The following PLGRKT variants were observed in gnomAD, a reference collection of about 807,000 sequenced individuals.
The protein encoded by PLGRKT is plasminogen receptor (KT).
Under a neutral mutation model 18.5 loss-of-function variants are expected in PLGRKT, and 22 were observed. The observed-to-expected ratio is 1.19, with a 90% confidence interval of 0.85 to 1.70. The LOEUF (loss-of-function observed/expected upper bound fraction) is 1.70. Among genes scored for constraint, PLGRKT ranks in the 40% most tolerant of loss-of-function variants. PLGRKT has a pLI of 0.00. For missense variants in PLGRKT, 235 were observed against 174.4 expected, an observed-to-expected ratio of 1.35 and a Z score of -1.96; for synonymous variants, 72 against 52.8, an observed-to-expected ratio of 1.36 and a Z score of -1.58.
chr9:5,382,265 G>C (rs559065143), intron 3 of PLGRKT, among the ~76,000 whole-genome samples: 1 of 152,294 alleles, frequency 6.6e-6, no homozygotes, highest in South Asian at 2.1e-4. Flanking sequence ...TATTAAAGAA[G>C]AAATTTCAAT....
chr9:5,377,308 A>G (rs2131086669), intron 3 of PLGRKT, among the ~76,000 whole-genome samples: 1 of 152,152 alleles, frequency 6.6e-6, no homozygotes, highest in East Asian at 1.9e-4. Context: ...CTGTTTTGAA[A>G]TAATAGTACT....
rs71326158 is a variant in PLGRKT, at chr9:5,371,986, C to CTTTTTTTTTTTTTTTTTTTTTTTTT, written c.82-10099_82-10098insAAAAAAAAAAAAAAAAAAAAAAAAA. ...CTGCAAAAAACAATATCAGAAAATC[C>CTTTTTTTTTTTTTTTTTTTTTTTTT]TTTTTTTTTTTTTGATATGGAGTCT... On this transcript the variant is annotated intron_variant, in intron 3 of 5. Transcript: ENST00000223864. 2.5e-3 allele frequency among the ~76,000 whole-genome samples: 226 copies of CTTTTTTTTTTTTTTTTTTTTTTTTT among 89,036 alleles called. 44 individuals carry two copies. Among genetic ancestry groups the CTTTTTTTTTTTTTTTTTTTTTTTTT allele is most frequent in the African/African-American group, 4.5e-3 (88 of 19,518 alleles). The allele number at this position is 89,036 out of a possible 152,430, so 58.4% of individuals were successfully genotyped here. A position where few individuals can be genotyped will look rare whatever the true frequency, so the allele number is the denominator to read the frequency against.
At chr9:5,434,406 G>C (rs1265734933) in intron 2 of PLGRKT, among the ~76,000 whole-genome samples, 3 of 141,588 alleles carry the variant, frequency 2.1e-5, no homozygotes, top group Non-Finnish European at 4.6e-5. Context: ...CTGCCTGGCC[G>C]CCACCCCGTC....
At chr9:5,427,663 T>A (rs187285257) in intron 3 of PLGRKT, among the ~76,000 whole-genome samples, 1 of 152,338 alleles carries the variant, frequency 6.6e-6, no homozygotes, top group East Asian at 1.9e-4. Flanking sequence ...CCACTGGGGA[T>A]CTTGGACCAT....
At chr9:5,419,518 C>T (rs1818531981) in intron 3 of PLGRKT, among the ~76,000 whole-genome samples, 1 of 151,958 alleles carries the variant, frequency 6.6e-6, no homozygotes, top group African/African-American at 2.4e-5. Flanking sequence ...CTATGGCCAG[C>T]GGCCGCCGCG....
chr9:5,432,076 T>TA (rs376405296), intron 2 of PLGRKT, 93 bp from the exon 3 acceptor site: 14,046 of 479,390 alleles, frequency 0.029, no homozygotes, highest in South Asian at 0.039. Context: ...TATGACAAAG[T>TA]AAAAAAAAAA....
At chr9:5,395,882 C>T (rs1442264164) in intron 3 of PLGRKT, among the ~76,000 whole-genome samples, 1 of 136,948 alleles carries the variant, frequency 7.3e-6, no homozygotes, top group Non-Finnish European at 1.5e-5. Flanking sequence ...ATCCTCTAAC[C>T]TAACAGTTTT....
intron 3 of PLGRKT, among the ~76,000 whole-genome samples, chr9:5,422,029 T>C (rs1378864181): frequency 6.6e-6 from 1 of 152,052 alleles, no homozygotes; most frequent in Non-Finnish European, 1.5e-5. Context: ...CAAGCATTTA[T>C]TTTGTTTCCT....
chr9:5,378,274 C>G (rs975395864), intron 3 of PLGRKT, among the ~76,000 whole-genome samples: 2 of 152,168 alleles, frequency 1.3e-5, no homozygotes, highest in African/African-American at 4.8e-5. Flanking sequence ...AAGAATGCAG[C>G]CCAAGCGATG....
chr9:5,370,942 GA>G (rs150774936), intron 3 of PLGRKT, among the ~76,000 whole-genome samples: 7,030 of 151,930 alleles, frequency 0.046, 235 homozygotes, highest in African/African-American at 0.084. Flanking sequence ...TTTGCCTTAA[GA>G]AAAAAAGTCC....
At position 5,403,209 on chromosome 9, in the gene PLGRKT, A is replaced by G. The variant is rs979918688; in HGVS notation, c.81+28688T>C. 6.0e-5 allele frequency among the ~76,000 whole-genome samples: 9 copies of G among 150,408 alleles called. No homozygotes were observed. The Admixed American group carries it at 6.0e-4, about 10-fold the overall frequency. ...AGCGAGTTGAGAGGTTGAGGTTGCT[A>G]AATGATTCTTTTTTCTTTTTTTTTT... On this transcript the variant is annotated intron_variant, in intron 3 of 5. Transcript: ENST00000223864.
chr9:5,438,372 T>C (rs1229931168), upstream of PLGRKT, among the ~76,000 whole-genome samples: 3 of 152,184 alleles, frequency 2.0e-5, no homozygotes, highest in African/African-American at 7.2e-5. Flanking sequence ...TGCTACCAAA[T>C]GGCTTGGAAA....
intron 3 of PLGRKT, among the ~76,000 whole-genome samples, chr9:5,407,622 A>G (rs1393428407): frequency 1.3e-5 from 2 of 152,110 alleles, no homozygotes; most frequent in African/African-American, 4.8e-5. Flanking sequence ...ACCTCTAGAC[A>G]GCATTCTAAT....
Position 5,377,060 on chromosome 9 carries a change from G to A in PLGRKT, c.82-15172C>T, listed in dbSNP as rs556826588. Reference sequence around the variant, plus strand: ...TACTCAGGCTGCCTGGGAAGTTAGAGATCTGTTTCCCTGTCCAATTGCAGG... The same window carrying A: ...TACTCAGGCTGCCTGGGAAGTTAGAAATCTGTTTCCCTGTCCAATTGCAGG... On this transcript the variant is annotated intron_variant, in intron 3 of 5. Transcript: ENST00000223864. Among the ~76,000 whole-genome samples the A allele has an allele frequency of 3.3e-5, 5 of 152,296 alleles. No homozygotes were observed. The South Asian group carries it at 1.0e-3, about 32-fold the overall frequency.
intron 3 of PLGRKT, among the ~76,000 whole-genome samples, chr9:5,421,783 A>G (rs1428009796): frequency 6.6e-6 from 1 of 152,210 alleles, no homozygotes; most frequent in Non-Finnish European, 1.5e-5. Context: ...GGCAGGCTAA[A>G]GCAACCTCCC....
rs780777095 is a variant in PLGRKT, at chr9:5,361,891, A to G, written c.82-3T>C. 1.9e-6 allele frequency: 3 copies of G among 1,611,606 alleles called. No homozygotes were observed. In the South Asian group the frequency reaches 3.3e-5, roughly 18 times the overall value. On this transcript the variant is annotated splice_region_variant and splice_polypyrimidine_tract_variant and intron_variant, in intron 3 of 5. Coordinates refer to ENST00000223864, the MANE Select transcript of PLGRKT (RefSeq NM_018465.4). ...TGCATGATGAGCTGCCTTTCCAGCT[A>G]AGGACAAAACAAAAGACAAAGTAAA...
chr9:5,390,212 TGTGC>T (rs1484505820), intron 3 of PLGRKT, among the ~76,000 whole-genome samples: 2 of 137,554 alleles, frequency 1.5e-5, no homozygotes, highest in Non-Finnish European at 3.3e-5. Context: ...TGTATATGTG[TGTGC>T]GTGTGTGTGT....
At chr9:5,373,048 T>C (rs1205053936) in intron 3 of PLGRKT, among the ~76,000 whole-genome samples, 1 of 152,196 alleles carries the variant, frequency 6.6e-6, no homozygotes, top group Non-Finnish European at 1.5e-5. Flanking sequence ...TGGGGTGGAA[T>C]GGACAGTGTA....
At chr9:5,364,194 T>A (rs1246776866) in intron 3 of PLGRKT, among the ~76,000 whole-genome samples, 2 of 152,140 alleles carry the variant, frequency 1.3e-5, no homozygotes, top group African/African-American at 4.8e-5. Context: ...TAAGTCAGGA[T>A]CTGGAGGTAA....
Sources: gnomAD v4.1 joint callset for allele counts (sites outside exome capture counted in the v4.1 genomes callset) on GRCh38, gnomAD v4.1.1 for gene constraint, MANE v1.5 for transcripts, NCBI Gene and HGNC (gene_info 2026-07-23, HGNC 2026-07-21) for gene names.